Variants in AMY2B observed in about 807,000 individuals in gnomAD.
AMY2B encodes the protein alpha-amylase 2B.
AMY2B carries 63 observed loss-of-function variants against 59.3 expected under a neutral mutation model. The observed-to-expected ratio is 1.06, with a 90% CI of 0.87 to 1.31. AMY2B has a LOEUF of 1.31. AMY2B is among the 50% of genes most tolerant of loss of function. The pLI is 0.00. For synonymous variants in AMY2B, 180 were observed against 198.1 expected (o/e 0.91, Z 0.77); for missense variants, 635 against 626.7 (o/e 1.01, Z -0.14).
At chr1:103,558,349 T>G (rs1458643449) in intron 1 of AMY2B, among the ~76,000 whole-genome samples, 1 of 152,196 alleles carries the variant, frequency 6.6e-6, no homozygotes, top group African/African-American at 2.4e-5. Flanking sequence ...GAATAACCTA[T>G]TCTGTCCTGA....
At chr1:103,570,661 G>A (rs1412504675), upstream of AMY2B, 21 of 584,984 alleles carry the variant, frequency 3.6e-5, no homozygotes, top group East Asian at 8.8e-5. Flanking sequence ...ATCGTCCACC[G>A]CAAATGCTTC....
Position 103,559,029 on chromosome 1 carries a change from A to G in AMY2B, c.-207+3920A>G, listed in dbSNP as rs567905409. On this transcript the variant is annotated intron_variant, in intron 1 of 11. Coordinates refer to the AMY2B transcript ENST00000361355. ...TGTAAAAGTTACATGCAAATACTACATTGTATATAAAAGACTCGAGCAGTT... is the reference window on the plus strand; with the variant it reads ...TGTAAAAGTTACATGCAAATACTACGTTGTATATAAAAGACTCGAGCAGTT... 2.2e-4 allele frequency among the ~76,000 whole-genome samples: 33 copies of G among 152,342 alleles called. No homozygotes were observed. In the South Asian group the frequency reaches 3.7e-3, roughly 17 times the overall value.
At position 103,572,255 on chromosome 1, in the gene AMY2B, G is replaced by C. The variant is rs572271887; in HGVS notation, c.314G>C (p.Gly105Ala). ...RNMVTRCNNV[G>A]VRIYVDAVIN... ...ATGGTGACTAGATGTAACAATGTTG[G>C]GGTAAGTGAATTCTAGTTTCCTTGA... Residue 105 changes from glycine to alanine, a missense_variant and splice_region_variant, in exon 2 of 10, where the codon GGG becomes GCG. Physicochemically the swap from Gly to Ala is moderately conservative, Grantham distance 60. Transcript: ENST00000684275. 6.2e-7 allele frequency: 1 copy of C among 1,608,982 alleles called. No homozygotes were observed. Among genetic ancestry groups the C allele is most frequent in the Non-Finnish European group, 8.5e-7 (1 of 1,178,214 alleles).
At chr1:103,565,585 T>A (rs1251091651) in exon 2 of AMY2B, 1 of 152,158 alleles carries the variant, frequency 6.6e-6, no homozygotes. Flanking sequence ...CAAGTGATCT[T>A]TCATCCCAGG....
intron 1 of AMY2B, chr1:103,561,840 T>A (rs1350802124): frequency 6.6e-6 from 1 of 151,376 alleles, no homozygotes; most frequent in African/African-American, 2.4e-5. Flanking sequence ...GAAACAGGAG[T>A]GTGGTGATCA....
intron 7 of AMY2B, among the ~76,000 whole-genome samples, chr1:103,576,959 G>C (rs185638874): frequency 2.0e-5 from 3 of 152,294 alleles, no homozygotes; most frequent in Non-Finnish European, 4.4e-5. Flanking sequence ...TTGCAGGCCA[G>C]GTGCTGTGGC....
In AMY2B at chr1:103,575,527, T is replaced by A. The variant is rs150824302; in HGVS notation, c.1088T>A (p.Phe363Tyr). 6.2e-5 allele frequency: 100 copies of A among 1,613,638 alleles called. 1 individual carries two copies. In the African/African-American group the frequency reaches 1.1e-3, roughly 18 times the overall value. Reference sequence around the variant, plus strand: ...TCAAGCTACCGTTGGCCAAGACAGTTTCAAAATGGAAACGTAAGTTTTGAA... The same window carrying A: ...TCAAGCTACCGTTGGCCAAGACAGTATCAAAATGGAAACGTAAGTTTTGAA... ...VMSSYRWPRQ[F>Y]QNGNDVNDWV... The change falls in exon 7 of 10, where the codon TTT becomes TAT. Residue 363 changes from phenylalanine to tyrosine, a missense_variant. Transcript: ENST00000684275.
At chr1:103,578,638 C>T (rs1042387189) in intron 9 of AMY2B, among the ~76,000 whole-genome samples, 1 of 151,840 alleles carries the variant, frequency 6.6e-6, no homozygotes, top group Non-Finnish European at 1.5e-5. Flanking sequence ...GCCAAAAAAG[C>T]CCATGTCTAG....
In AMY2B at chr1:103,572,826, G is replaced by C. The variant is rs79395614; in HGVS notation, c.316-237G>C. 3.2e-4 allele frequency among the ~76,000 whole-genome samples: 48 copies of C among 152,222 alleles called. 1 individual carries two copies. In the East Asian group the frequency reaches 8.7e-3, roughly 28 times the overall value. ...TTTGCATTTCCTCCTATTTATGGTA[G>C]TTTCTGGTTCTCTCAATTTACCATT... On this transcript the variant is annotated intron_variant, in intron 2 of 9. Transcript: ENST00000684275.
At chr1:103,570,211 C>G (rs948208327), upstream of AMY2B, 1 of 509,210 alleles carries the variant, frequency 2.0e-6, no homozygotes, top group African/African-American at 1.9e-5. Context: ...CTATGTTGCC[C>G]TGGACTTTGA....
intron 1 of AMY2B, among the ~76,000 whole-genome samples, chr1:103,560,471 T>TA (rs763358671): frequency 1.3e-5 from 2 of 152,180 alleles, no homozygotes; most frequent in African/African-American, 4.8e-5. Context: ...TATCTGTTTT[T>TA]AAAAAATCTG....
chr1:103,561,367 A>C (rs1305226382), intron 1 of AMY2B, among the ~76,000 whole-genome samples: 1 of 152,090 alleles, frequency 6.6e-6, no homozygotes, highest in African/African-American at 2.4e-5. Flanking sequence ...TCCTGGGTTC[A>C]AGCAATTCTC....
chr1:103,570,611 G>T, upstream of AMY2B: 1 of 588,742 alleles, frequency 1.7e-6, no homozygotes, highest in Non-Finnish European at 3.3e-6. Flanking sequence ...TCCAGCAGAT[G>T]TGGATTAGCA....
intron 7 of AMY2B, chr1:103,577,246 T>C: frequency 1.3e-6 from 1 of 776,010 alleles, no homozygotes; most frequent in South Asian, 1.9e-5. Context: ...TGCAGTTCCT[T>C]GGAATGAAAA....
chr1:103,556,557 T>C (rs1651558010), intron 1 of AMY2B, among the ~76,000 whole-genome samples: 1 of 151,788 alleles, frequency 6.6e-6, no homozygotes, highest in Non-Finnish European at 1.5e-5. Context: ...TAGAGTATAA[T>C]AATATATAAT....
upstream of AMY2B, among the ~76,000 whole-genome samples, chr1:103,567,089 A>G (rs1269968142): frequency 2.0e-5 from 3 of 152,194 alleles, no homozygotes; most frequent in Non-Finnish European, 4.4e-5. Flanking sequence ...GCTTAATGTC[A>G]TATAAATTAA....
intron 1 of AMY2B, among the ~76,000 whole-genome samples, chr1:103,558,780 G>A (rs76493054): frequency 2.1e-5 from 3 of 143,532 alleles, no homozygotes; most frequent in Admixed American, 1.4e-4. Flanking sequence ...AAAAAAAAAA[G>A]CTGTCATTAA....
intron 1 of AMY2B, chr1:103,564,976 CT>C (rs1276134256): frequency 6.6e-6 from 1 of 152,090 alleles, no homozygotes; most frequent in Non-Finnish European, 1.5e-5. Flanking sequence ...CCATTTGACT[CT>C]TTATATTCTC....
chr1:103,570,249 C>T (rs1652066934), upstream of AMY2B: 6 of 539,020 alleles, frequency 1.1e-5, no homozygotes, highest in Admixed American at 1.2e-4. Context: ...CCACATCCTC[C>T]TCCTCCCTGG....
Sources: allele counts gnomAD v4.1 joint callset (sites outside exome capture counted in the v4.1 genomes callset), GRCh38; gene constraint gnomAD v4.1.1; transcripts MANE v1.5; gene names NCBI Gene and HGNC (gene_info 2026-07-23, HGNC 2026-07-21).